DMAC2L: variants seen among roughly 807,000 people sequenced by gnomAD.
DMAC2L encodes the protein distal membrane arm assembly component 2 like.
In DMAC2L, 21 loss-of-function variants were observed where a neutral mutation model predicts 22.5. That is an observed-to-expected ratio of 0.93 (90% CI 0.66 to 1.34). The LOEUF is 1.34. DMAC2L is among the 40% of genes most tolerant of loss of function. The pLI is 0.00. For synonymous variants in DMAC2L, 86 were observed against 89.5 expected (o/e 0.96, Z 0.22); for missense variants, 239 against 246.5 (o/e 0.97, Z 0.20).
At chr14:50,321,835 T>C (rs1566559233) in intron 3 of DMAC2L, among the ~76,000 whole-genome samples, 1 of 152,254 alleles carries the variant, frequency 6.6e-6, no homozygotes, top group Admixed American at 6.5e-5. Flanking sequence ...CCTTTTGATA[T>C]ATTTCAAGTT....
rs2139330301 is a variant in DMAC2L at position 50,325,831 on chromosome 14, C to T, written c.*108C>T. On this transcript the variant is annotated 3_prime_UTR_variant, in exon 6 of 6. Transcript: ENST00000557421. ...GAATTATAAGGATGCCATATCATGACATTTTAGAAGTGGAGAGTGCATCAT... is the reference window on the plus strand; with the variant it reads ...GAATTATAAGGATGCCATATCATGATATTTTAGAAGTGGAGAGTGCATCAT... 6.9e-7 allele frequency: 1 copy of T among 1,444,400 alleles called. No individual in the cohort carries two copies. Among genetic ancestry groups the T allele is most frequent in the East Asian group, 2.5e-5 (1 of 40,404 alleles). The allele number at this position is 1,444,400 out of a possible 1,614,324, so 89.5% of individuals were successfully genotyped here.
chr14:50,321,714 TACAA>T (rs890162033), intron 3 of DMAC2L, 120 bp downstream of exon 3: 76 of 620,618 alleles, frequency 1.2e-4, no homozygotes, highest in Middle Eastern at 3.5e-4. Context: ...TAATTTTGTT[TACAA>T]ACAAACAAAA....
At chr14:50,323,321 CCT>C (rs2032445740) in intron 4 of DMAC2L, among the ~76,000 whole-genome samples, 1 of 151,492 alleles carries the variant, frequency 6.6e-6, no homozygotes, top group Non-Finnish European at 1.5e-5. Flanking sequence ...GATCTCCTGA[CCT>C]CATGATCCGC....
In DMAC2L at chr14:50,322,628, C is replaced by T; in HGVS notation, c.225C>T (p.Asn75=). Residue 75 remains asparagine (N), a synonymous_variant, in exon 4 of 6, where the codon AAC becomes AAT. Coordinates refer to ENST00000557421, the MANE Select transcript of DMAC2L (RefSeq NM_001382507.1). Reference sequence around the variant, plus strand: ...AGGAGAGGTGGCAGAAGGACTACAACCACCTTCCAACAGGCCCTCTGGACA... The same window carrying T: ...AGGAGAGGTGGCAGAAGGACTACAATCACCTTCCAACAGGCCCTCTGGACA... ...HGQERWQKDY[N]HLPTGPLDKY... 1 of 1,614,200 alleles carries T rather than the reference C, an allele frequency of 6.2e-7. No individual in the cohort carries two copies. Among genetic ancestry groups the T allele is most frequent in the South Asian group, 1.1e-5 (1 of 91,086 alleles).
chr14:50,325,817 A>T lies in DMAC2L; in HGVS notation c.*94A>T. On this transcript the variant is annotated 3_prime_UTR_variant, in exon 6 of 6. Transcript: ENST00000557421. ...TATAGTCATCAGTAGAATTATAAGG[A>T]TGCCATATCATGACATTTTAGAAGT... The T allele has an allele frequency of 6.8e-7, 1 of 1,461,676 alleles. No individual in the cohort carries two copies. Among genetic ancestry groups the T allele is most frequent in the Non-Finnish European group, 9.0e-7 (1 of 1,109,490 alleles). The allele number at this position is 1,461,676 out of a possible 1,614,324, so 90.5% of individuals were successfully genotyped here. A position where few individuals can be genotyped will look rare whatever the true frequency, so the allele number is the denominator to read the frequency against.
chr14:50,312,194 T>C (rs2031275117), upstream of DMAC2L: 2 of 1,604,528 alleles, frequency 1.2e-6, no homozygotes, highest in Admixed American at 3.4e-5. Context: ...AAGAAGCCAC[T>C]TGACCCTCCA....
chr14:50,318,928 C>G, intron 2 of DMAC2L: 2 of 673,246 alleles, frequency 3.0e-6, no homozygotes, highest in Non-Finnish European at 3.7e-6. Flanking sequence ...CTGTGTGTCT[C>G]TTTCTCCTTT....
intron 2 of DMAC2L, chr14:50,319,260 T>G: frequency 1.3e-6 from 2 of 1,536,094 alleles, no homozygotes; most frequent in Non-Finnish European, 1.7e-6. Flanking sequence ...GAGCAGAGGC[T>G]TGCAGTAATG....
upstream of DMAC2L, chr14:50,312,275 A>C: frequency 5.7e-6 from 8 of 1,404,252 alleles, no homozygotes; most frequent in South Asian, 1.2e-5. Context: ...CCTTCGCCCC[A>C]TGTGGGAGAG....
chr14:50,313,233 G>A (rs2031422670), intron 1 of DMAC2L, among the ~76,000 whole-genome samples: 1 of 152,176 alleles, frequency 6.6e-6, no homozygotes, highest in Non-Finnish European at 1.5e-5. Flanking sequence ...ATAACAAATA[G>A]AATTATACAG....
rs754988319 is a variant in DMAC2L, at chr14:50,321,587, T to C, written c.100T>C (p.Phe34Leu). The C allele has an allele frequency of 1.6e-5, 25 of 1,609,906 alleles. No homozygotes were observed. The highest frequency in any genetic ancestry group is 3.3e-4 in the Middle Eastern group (2 of 6,076). ...RYFWGWLNAV[F>L]NKVDYDRIRD... is the part of the protein sequence containing the mutation. ...CTTCTGGGGCTGGTTGAATGCAGTG[T>C]TTAATAAGTAAGTTACTCTAAATAA... Residue 34 changes from phenylalanine to leucine, a missense_variant, in exon 3 of 6, where the codon TTT becomes CTT. By Grantham distance (22) the Phe-to-Leu change is conservative. Transcript: ENST00000557421.
intron 2 of DMAC2L, among the ~76,000 whole-genome samples, chr14:50,318,125 TA>T (rs1010031589): frequency 3.9e-5 from 6 of 152,208 alleles, no homozygotes; most frequent in African/African-American, 1.4e-4. Flanking sequence ...ATGGCAGCAG[TA>T]ATTTAGTAGT....
chr14:50,318,455 C>A (rs1223144468), intron 2 of DMAC2L, among the ~76,000 whole-genome samples: 9 of 152,060 alleles, frequency 5.9e-5, no homozygotes, highest in Non-Finnish European at 1.0e-4. Context: ...ATAAGATGGG[C>A]CAAAATGAAT....
rs1360966383 is a variant in DMAC2L, at chr14:50,327,393, A to C, written c.*1670A>C. On this transcript the variant is annotated 3_prime_UTR_variant, in exon 6 of 6. Transcript: ENST00000557421. ...CAGGTCTTCATTGTTACCTGTGAGA[A>C]ATGGCCCTGATTCTATTACTCTTAT... The C allele has an allele frequency of 6.6e-6, 1 of 151,482 alleles. No homozygotes were observed. Among genetic ancestry groups the C allele is most frequent in the Admixed American group, 6.6e-5 (1 of 15,214 alleles). 9.4% of individuals were successfully genotyped at this position (151,482 alleles called of 1,614,324 possible).
At chr14:50,313,126 T>C in intron 1 of DMAC2L, 1 of 1,295,860 alleles carries the variant, frequency 7.7e-7, no homozygotes, top group Non-Finnish European at 1.1e-6. Flanking sequence ...CTAAAGGACC[T>C]TCTAACTCTT....
intron 3 of DMAC2L, 146 bp downstream of exon 3, chr14:50,321,740 A>G (rs536000095): frequency 3.8e-6 from 2 of 525,514 alleles, no homozygotes; most frequent in Non-Finnish European, 6.6e-6. Flanking sequence ...CCACACAAAC[A>G]TGGAAAAAAC....
At position 50,327,883 on chromosome 14, in the gene DMAC2L, A is replaced by G. The variant is rs770442036; in HGVS notation, c.*2160A>G. ...TAACAGCTTATACAAATAACACAGT[A>G]TAAATGGTAATTGCCACTGTCATTT... is the stretch of plus-strand genomic sequence containing the variant. On this transcript the variant is annotated 3_prime_UTR_variant, in exon 6 of 6. Coordinates refer to ENST00000557421, the MANE Select transcript of DMAC2L (RefSeq NM_001382507.1). The G allele has an allele frequency of 6.6e-6, 1 of 152,240 alleles. No homozygotes were observed. Among genetic ancestry groups the G allele is most frequent in the Non-Finnish European group, 1.5e-5 (1 of 68,050 alleles). 9.4% of individuals were successfully genotyped at this position (152,240 alleles called of 1,614,324 possible). A position where few individuals can be genotyped will look rare whatever the true frequency, so the allele number is the denominator to read the frequency against.
upstream of DMAC2L, chr14:50,312,211 A>C: frequency 4.4e-6 from 7 of 1,591,384 alleles, no homozygotes; most frequent in South Asian, 7.9e-5. Flanking sequence ...TCCACGGCCG[A>C]GGACCCGCGC....
At position 50,325,919 on chromosome 14, in the gene DMAC2L, T is replaced by A; in HGVS notation, c.*196T>A. 8.2e-7 allele frequency: 1 copy of A among 1,225,512 alleles called. No homozygotes were observed. Among genetic ancestry groups the A allele is most frequent in the East Asian group, 4.2e-5 (1 of 23,968 alleles). The allele number at this position is 1,225,512 out of a possible 1,614,324, so 75.9% of individuals were successfully genotyped here. On this transcript the variant is annotated 3_prime_UTR_variant, in exon 6 of 6. Coordinates refer to ENST00000557421, the MANE Select transcript of DMAC2L (RefSeq NM_001382507.1). Reference sequence around the variant, plus strand: ...TTACTAAGTTGGAAGTGAGAATTTATGAACATTAATTCATTTTAAGAAAAG... The same window carrying A: ...TTACTAAGTTGGAAGTGAGAATTTAAGAACATTAATTCATTTTAAGAAAAG...
Sources: allele counts gnomAD v4.1 joint callset (sites outside exome capture counted in the v4.1 genomes callset), GRCh38; gene constraint gnomAD v4.1.1; transcripts MANE v1.5; gene names NCBI Gene and HGNC (gene_info 2026-07-23, HGNC 2026-07-21).